Variants in SSPN observed in about 807,000 individuals in gnomAD.
SSPN encodes K-ras oncogene-associated protein.
A neutral mutation model predicts 19.1 loss-of-function variants in SSPN; 15 were observed. The observed-to-expected ratio is 0.78, with a 90% CI of 0.52 to 1.21. SSPN has a LOEUF of 1.21. Ranked by LOEUF, SSPN falls within the 50% of genes most tolerant of loss-of-function variation. The probability of loss-of-function intolerance (pLI) is 0.00; values close to 1 mark genes in which losing one functional copy is unlikely to be tolerated. For synonymous variants in SSPN, 147 were observed against 140.3 expected, an observed-to-expected ratio of 1.05 and a Z score of -0.34; for missense variants, 291 against 314.0, an observed-to-expected ratio of 0.93 and a Z score of 0.55.
upstream of SSPN, among the ~76,000 whole-genome samples, chr12:26,190,963 A>G (rs887009428): frequency 1.4e-4 from 21 of 152,166 alleles, 1 homozygote; most frequent in Non-Finnish European, 4.4e-5. Flanking sequence ...ATTACCATAG[A>G]TTCATTTTGC....
Position 26,169,275 on chromosome 12 carries a change from C to A in SSPN, c.-31+47123C>A, listed in dbSNP as rs1409393187. On this transcript the variant is annotated intron_variant, in intron 1 of 2. Transcript: ENST00000538142. Reference sequence around the variant, plus strand: ...AGTTAGTATCCAAATTAATGTTGTCCATACAAATTGCCTGAATTTGGAGTA... The same window carrying A: ...AGTTAGTATCCAAATTAATGTTGTCAATACAAATTGCCTGAATTTGGAGTA... 2.0e-5 allele frequency among the ~76,000 whole-genome samples: 3 copies of A among 152,060 alleles called. No homozygotes were observed. In the South Asian group the frequency reaches 6.2e-4, roughly 32 times the overall value.
At position 26,144,912 on chromosome 12, in the gene SSPN, A is replaced by G. The variant is rs185885582; in HGVS notation, c.-31+22760A>G. Among the ~76,000 whole-genome samples the G allele has an allele frequency of 2.2e-3, 339 of 152,358 alleles. 3 individuals carry two copies. Among genetic ancestry groups the G allele is most frequent in the African/African-American group, 8.0e-3 (331 of 41,586 alleles). ...GGTCACTTTCCTCCGCCAATGCAGT[A>G]TGAACTCTGTTTATTTTTAAGTCAA... On this transcript the variant is annotated intron_variant, in intron 1 of 2. Coordinates refer to the SSPN transcript ENST00000538142.
At chr12:26,176,149 C>T (rs571833551) in intron 1 of SSPN, among the ~76,000 whole-genome samples, 26 of 152,250 alleles carry the variant, frequency 1.7e-4, no homozygotes, top group Admixed American at 3.9e-4. Context: ...TTCTGAGTTT[C>T]TTAAATTGCA....
chr12:26,127,181 TG>T (rs1303086960), intron 1 of SSPN, among the ~76,000 whole-genome samples: 1 of 152,214 alleles, frequency 6.6e-6, no homozygotes, highest in African/African-American at 2.4e-5. Context: ...AAAGGATGAC[TG>T]GTTAGGGAAA....
chr12:26,129,495 C>T (rs1456250861), intron 1 of SSPN, among the ~76,000 whole-genome samples: 4 of 152,128 alleles, frequency 2.6e-5, no homozygotes, highest in Non-Finnish European at 5.9e-5. Flanking sequence ...TAAGGAGGGA[C>T]GGCAATTCCA....
chr12:26,159,329 C>A (rs1944574156), intron 1 of SSPN, among the ~76,000 whole-genome samples: 1 of 152,220 alleles, frequency 6.6e-6, no homozygotes, highest in South Asian at 2.1e-4. Context: ...TTGGTTAATA[C>A]CCTAGAAACA....
chr12:26,190,558 A>T (rs1223678230), upstream of SSPN, among the ~76,000 whole-genome samples: 1 of 152,210 alleles, frequency 6.6e-6, no homozygotes, highest in Admixed American at 6.5e-5. Flanking sequence ...TGACCCACAG[A>T]AACCATGAAA....
intron 1 of SSPN, among the ~76,000 whole-genome samples, chr12:26,197,835 T>C (rs1944843659): frequency 6.6e-6 from 1 of 152,230 alleles, no homozygotes; most frequent in South Asian, 2.1e-4. Context: ...ATGAAATCTG[T>C]CATCTTAGAT....
chr12:26,210,689 C>T (rs1944976169), intron 1 of SSPN, among the ~76,000 whole-genome samples: 1 of 152,090 alleles, frequency 6.6e-6, no homozygotes, highest in African/African-American at 2.4e-5. Context: ...TGAGACAGAA[C>T]AATTTTCTTG....
At chr12:26,149,092 T>G (rs1944509960) in intron 1 of SSPN, among the ~76,000 whole-genome samples, 1 of 152,236 alleles carries the variant, frequency 6.6e-6, no homozygotes, top group Non-Finnish European at 1.5e-5. Context: ...GAGAAGCACT[T>G]ACTGTAAATT....
intron 1 of SSPN, among the ~76,000 whole-genome samples, chr12:26,189,159 C>A (rs1944772660): frequency 6.6e-6 from 1 of 151,824 alleles, no homozygotes; most frequent in African/African-American, 2.4e-5. Context: ...GATACATAAA[C>A]CTTTCTGTAA....
chr12:26,194,206 C>A (rs1052891269), upstream of SSPN, among the ~76,000 whole-genome samples: 1 of 152,142 alleles, frequency 6.6e-6, no homozygotes, highest in Non-Finnish European at 1.5e-5. Context: ...TAGAGGTATG[C>A]GGGAATAAGA....
chr12:26,125,031 GTGT>G (rs1944351869), intron 1 of SSPN: 1 of 583,666 alleles, frequency 1.7e-6, no homozygotes, highest in Admixed American at 2.6e-5. Flanking sequence ...ACTCCAGGCA[GTGT>G]TTGGCCACAG....
At chr12:26,227,808 A>T (rs1465139717) in intron 2 of SSPN, among the ~76,000 whole-genome samples, 1 of 152,160 alleles carries the variant, frequency 6.6e-6, no homozygotes, top group African/African-American at 2.4e-5. Context: ...GGGATTGATG[A>T]ATTTGCCCAG....
intron 1 of SSPN, among the ~76,000 whole-genome samples, chr12:26,156,508 A>T (rs981325748): frequency 6.6e-6 from 1 of 152,202 alleles, no homozygotes; most frequent in African/African-American, 2.4e-5. Context: ...TTGGCTGAAG[A>T]GGTCCCTCAT....
intron 1 of SSPN, among the ~76,000 whole-genome samples, chr12:26,223,522 T>C (rs545922146): frequency 6.6e-6 from 1 of 152,366 alleles, no homozygotes; most frequent in South Asian, 2.1e-4. Flanking sequence ...ATGTCATTGT[T>C]TTAAACTATG....
At chr12:26,208,581 A>G (rs1453009690) in intron 1 of SSPN, among the ~76,000 whole-genome samples, 2 of 152,014 alleles carry the variant, frequency 1.3e-5, no homozygotes, top group Admixed American at 1.3e-4. Flanking sequence ...TAATCTTCAT[A>G]TATTTATATT....
chr12:26,176,914 T>C (rs1270748610), intron 1 of SSPN, among the ~76,000 whole-genome samples: 1 of 152,230 alleles, frequency 6.6e-6, no homozygotes, highest in Non-Finnish European at 1.5e-5. Flanking sequence ...TGCCAAGTGA[T>C]ATTTTCAAAA....
intron 1 of SSPN, among the ~76,000 whole-genome samples, chr12:26,184,090 A>G (rs571366351): frequency 6.6e-6 from 1 of 152,172 alleles, no homozygotes; most frequent in Non-Finnish European, 1.5e-5. Flanking sequence ...CTGGAATCCA[A>G]TAAGCCCACA....
Sources: allele counts gnomAD v4.1 joint callset (sites outside exome capture counted in the v4.1 genomes callset), GRCh38; gene constraint gnomAD v4.1.1; transcripts MANE v1.5; gene names NCBI Gene and HGNC (gene_info 2026-07-23, HGNC 2026-07-21).